Variants in C5 observed in about 807,000 individuals in gnomAD.
C5 encodes complement C5.
A neutral mutation model predicts 218.8 loss-of-function variants in C5; 140 were observed. The ratio of observed to expected loss-of-function variants is 0.64; its 90% CI spans 0.56 to 0.74. The LOEUF is 0.74. Ranked by LOEUF, C5 falls within the 30% of genes least tolerant of loss-of-function variation. The probability of loss-of-function intolerance (pLI) is 0.00; values close to 1 mark genes in which losing one functional copy is unlikely to be tolerated. For missense variants in C5, 1,700 were observed against 1,969.6 expected (o/e 0.86, Z 2.59); for synonymous variants, 614 against 682.3 (o/e 0.90, Z 1.56).
chr9:120,991,174 G>A lies in C5; in HGVS notation c.2941+17C>T, dbSNP rs374988168. The A allele has an allele frequency of 5.9e-6, 8 of 1,363,354 alleles. No individual in the cohort carries two copies. In the Admixed American group the frequency reaches 1.2e-4, roughly 20 times the overall value. The allele number at this position is 1,363,354 out of a possible 1,614,324, so 84.5% of individuals were successfully genotyped here. A position where few individuals can be genotyped will look rare whatever the true frequency, so the allele number is the denominator to read the frequency against. ...ACCAAGTGAAATGAGAAATAAAAAT[G>A]GCATTTGTTAATTTACCTTTTACAC... On this transcript the variant is annotated intron_variant, in intron 23 of 40. Transcript: ENST00000223642.
At chr9:120,961,407 C>A (rs1373048818) in intron 37 of C5, 75 bp downstream of exon 37, 2 of 888,752 alleles carry the variant, frequency 2.3e-6, no homozygotes, top group South Asian at 1.3e-5. Flanking sequence ...CAAACAGTGT[C>A]CCCCAGATTA....
intron 39 of C5, among the ~76,000 whole-genome samples, 195 bp from the exon 40 acceptor site, chr9:120,954,063 G>A (rs1018131643): frequency 1.3e-5 from 2 of 152,146 alleles, no homozygotes; most frequent in Non-Finnish European, 2.9e-5. Flanking sequence ...CTGCTTCCTG[G>A]CTATGTGACT....
At position 121,037,865 on chromosome 9, in the gene C5, T is replaced by A. The variant is rs1400958800; in HGVS notation, c.492+16A>T. On this transcript the variant is annotated intron_variant, in intron 4 of 40. Coordinates refer to ENST00000223642, the MANE Select transcript of C5 (RefSeq NM_001735.3). Reference sequence around the variant, plus strand: ...AAAATGAATTAAAGTATTATTTAAATAAATAAAATACTTACTATGAAAGTT... The same window carrying A: ...AAAATGAATTAAAGTATTATTTAAAAAAATAAAATACTTACTATGAAAGTT... The A allele has an allele frequency of 2.4e-6, 3 of 1,236,482 alleles. No homozygotes were observed. Among genetic ancestry groups the A allele is most frequent in the Non-Finnish European group, 3.4e-6 (3 of 870,090 alleles). The allele number at this position is 1,236,482 out of a possible 1,614,324, so 76.6% of individuals were successfully genotyped here. A position where few individuals can be genotyped will look rare whatever the true frequency, so the allele number is the denominator to read the frequency against.
chr9:121,001,494 G>A (rs2047161073), intron 20 of C5, among the ~76,000 whole-genome samples: 1 of 152,126 alleles, frequency 6.6e-6, no homozygotes, highest in Non-Finnish European at 1.5e-5. Context: ...AAAATTTTAT[G>A]TGTATTAACA....
Position 120,980,119 on chromosome 9 carries a change from T to C in C5, c.3622A>G (p.Ile1208Val), listed in dbSNP as rs371301396. The C allele has an allele frequency of 1.9e-5, 31 of 1,613,994 alleles. No individual in the cohort carries two copies. Among genetic ancestry groups the C allele is most frequent in the Admixed American group, 1.2e-4 (7 of 59,996 alleles). ...GCTTCTCTCTTCAAAGCTGAAACAA[T>C]TGAACGAAACTGTGGGTGAGTTTTA... is the stretch of plus-strand genomic sequence containing the variant. The part of the protein sequence containing the change: ...GDKTHPQFRS[I>V]VSALKREALV... The change falls in exon 28 of 41, where the codon ATT becomes GTT. Residue 1208 changes from isoleucine to valine, a missense_variant. Transcript: ENST00000223642.
chr9:121,040,234 G>A (rs1359844011), intron 3 of C5, among the ~76,000 whole-genome samples: 1 of 152,216 alleles, frequency 6.6e-6, no homozygotes, highest in African/African-American at 2.4e-5. Context: ...GTACCATGTA[G>A]AGGCAACAGC....
intron 33 of C5, among the ~76,000 whole-genome samples, chr9:120,966,156 T>G (rs1409584252): frequency 1.3e-5 from 2 of 152,196 alleles, no homozygotes; most frequent in East Asian, 1.9e-4. Context: ...CTAACTTCAG[T>G]GTCAACAGAG....
At chr9:121,047,787 C>T (rs2047640410) in intron 1 of C5, among the ~76,000 whole-genome samples, 1 of 152,182 alleles carries the variant, frequency 6.6e-6, no homozygotes, top group Non-Finnish European at 1.5e-5. Flanking sequence ...TTCCAGATTT[C>T]CAACCATCAT....
intron 28 of C5, among the ~76,000 whole-genome samples, chr9:120,979,244 A>G (rs762512792): frequency 1.3e-5 from 2 of 152,148 alleles, no homozygotes; most frequent in African/African-American, 2.4e-5. Context: ...ACTTCCTTCT[A>G]GATAGCCACA....
chr9:121,036,130 A>G (rs930329369), intron 4 of C5, among the ~76,000 whole-genome samples: 24 of 152,170 alleles, frequency 1.6e-4, no homozygotes, highest in African/African-American at 5.3e-4. Flanking sequence ...ACTGAAATTC[A>G]CAGTTGGATT....
chr9:121,010,722 T>G (rs1053929251), intron 17 of C5, among the ~76,000 whole-genome samples: 9 of 152,186 alleles, frequency 5.9e-5, no homozygotes, highest in Non-Finnish European at 1.3e-4. Context: ...TCACATTACC[T>G]GACTTCAAAT....
At chr9:120,956,573 G>T (rs1456914483) in intron 39 of C5, among the ~76,000 whole-genome samples, 1 of 152,012 alleles carries the variant, frequency 6.6e-6, no homozygotes, top group East Asian at 1.9e-4. Flanking sequence ...TATTCATATG[G>T]AACAAAGAAA....
chr9:121,041,440 G>A (rs1191628832), intron 3 of C5, among the ~76,000 whole-genome samples: 3 of 151,416 alleles, frequency 2.0e-5, no homozygotes, highest in African/African-American at 2.4e-5. Flanking sequence ...GAGTAGCTGG[G>A]ATTACAGGCG....
Position 120,952,707 on chromosome 9 carries a change from T to G in C5, c.*32A>C. ...AACTTCAACAACAGGAGTCCATAAG[T>G]GCAAACTGTATGCAGCTGAACTTCA... On this transcript the variant is annotated 3_prime_UTR_variant, in exon 41 of 41. Transcript: ENST00000223642. 1.2e-6 allele frequency: 2 copies of G among 1,609,418 alleles called. No homozygotes were observed. Among genetic ancestry groups the G allele is most frequent in the South Asian group, 2.2e-5 (2 of 90,838 alleles).
At chr9:120,972,032 T>A in intron 30 of C5, 40 bp from the exon 31 acceptor site, 1 of 1,535,198 alleles carries the variant, frequency 6.5e-7, no homozygotes, top group Non-Finnish European at 9.0e-7. Flanking sequence ...CTTTCTTTCA[T>A]CATTTGATAG....
At chr9:121,046,468 ATTCCATTT>A in intron 1 of C5, 85 bp from the exon 2 acceptor site, 8 of 927,026 alleles carry the variant, frequency 8.6e-6, no homozygotes, top group South Asian at 1.4e-5. Flanking sequence ...CACTTGAGAG[ATTCCATTT>A]AAAATACATA....
chr9:121,036,103 T>C (rs1165129500), intron 4 of C5, among the ~76,000 whole-genome samples: 1 of 152,054 alleles, frequency 6.6e-6, no homozygotes, highest in Non-Finnish European at 1.5e-5. Flanking sequence ...CAAAAAATCT[T>C]AGCACCATTT....
At chr9:121,050,439 G>A (rs2047663585), upstream of C5, among the ~76,000 whole-genome samples, 1 of 152,130 alleles carries the variant, frequency 6.6e-6, no homozygotes, top group African/African-American at 2.4e-5. Context: ...GTACTTTACA[G>A]GAACTTACAC....
intron 6 of C5, 64 bp downstream of exon 6, chr9:121,032,049 C>A (rs1422808866): frequency 1.0e-6 from 1 of 957,396 alleles, no homozygotes; most frequent in Middle Eastern, 3.0e-4. Flanking sequence ...GGCAACAGAG[C>A]GAGACTCCAT....
Sources: gnomAD v4.1 joint callset for allele counts (sites outside exome capture counted in the v4.1 genomes callset) on GRCh38, gnomAD v4.1.1 for gene constraint, MANE v1.5 for transcripts, NCBI Gene and HGNC (gene_info 2026-07-23, HGNC 2026-07-21) for gene names.